The following ZNF385D variants were observed in gnomAD, a reference collection of about 807,000 sequenced individuals.
ZNF385D encodes zinc finger protein 659.
Under a neutral mutation model 35.8 loss-of-function variants are expected in ZNF385D, and 15 were observed. The observed-to-expected ratio is 0.42, with a 90% CI of 0.28 to 0.64. The LOEUF (loss-of-function observed/expected upper bound fraction) is 0.64. Ranked by LOEUF, ZNF385D falls within the 30% of genes least tolerant of loss-of-function variation. The pLI is 0.23. For missense variants in ZNF385D, 474 were observed against 494.6 expected, an observed-to-expected ratio of 0.96 and a Z score of 0.39; for synonymous variants, 212 against 186.8, an observed-to-expected ratio of 1.13 and a Z score of -1.10.
intron 3 of ZNF385D, among the ~76,000 whole-genome samples, chr3:22,108,774 A>G (rs1702357844): frequency 6.6e-6 from 1 of 152,182 alleles, no homozygotes; most frequent in South Asian, 2.1e-4. Flanking sequence ...GCACTCTGGG[A>G]GGCTGAGATG....
intron 3 of ZNF385D, among the ~76,000 whole-genome samples, chr3:22,125,492 ATTGCT>A (rs977955176): frequency 5.3e-5 from 8 of 152,118 alleles, no homozygotes; most frequent in Non-Finnish European, 1.0e-4. Flanking sequence ...GAACTTGTGG[ATTGCT>A]TTGAATAGTA....
intron 3 of ZNF385D, among the ~76,000 whole-genome samples, chr3:21,825,842 C>G (rs1694578240): frequency 6.6e-6 from 1 of 152,202 alleles, no homozygotes; most frequent in African/African-American, 2.4e-5. Flanking sequence ...CTAGGCTGTA[C>G]AGCAGGAGGT....
chr3:21,619,172 G>A (rs377766687), intron 2 of ZNF385D, among the ~76,000 whole-genome samples: 1 of 152,090 alleles, frequency 6.6e-6, no homozygotes, highest in South Asian at 2.1e-4. Flanking sequence ...CCACACTTTA[G>A]ACTGTCCTGT....
chr3:22,369,980 A>G (rs1696828068), intron 2 of ZNF385D, among the ~76,000 whole-genome samples: 1 of 152,214 alleles, frequency 6.6e-6, no homozygotes, highest in Non-Finnish European at 1.5e-5. Context: ...ACTAAGTTAG[A>G]TGTGACTCAT....
intron 2 of ZNF385D, among the ~76,000 whole-genome samples, chr3:22,357,147 C>T (rs113009832): frequency 9.9e-5 from 15 of 151,878 alleles, no homozygotes; most frequent in African/African-American, 3.1e-4. Context: ...ATGAAGCTTT[C>T]GGATGGGAAG....
chr3:22,096,266 T>C (rs757941852), intron 3 of ZNF385D, among the ~76,000 whole-genome samples: 2 of 151,964 alleles, frequency 1.3e-5, no homozygotes, highest in South Asian at 2.1e-4. Context: ...AACCTCAGCA[T>C]TGCACAATAT....
At chr3:21,932,129 T>G (rs954736311) in intron 3 of ZNF385D, among the ~76,000 whole-genome samples, 2 of 119,966 alleles carry the variant, frequency 1.7e-5, no homozygotes, top group South Asian at 5.7e-4. Context: ...ATAGCGCCCC[T>G]GCACTCCGGC....
Position 22,258,136 on chromosome 3 carries a change from A to C in ZNF385D, c.107-89101T>G, listed in dbSNP as rs913842984. Among the ~76,000 whole-genome samples the C allele has an allele frequency of 2.0e-5, 3 of 151,776 alleles. No individual in the cohort carries two copies. In the East Asian group the frequency reaches 5.8e-4, roughly 29 times the overall value. ...GTGAGGGGAGAGCCTTACTCTTTAT[A>C]AATAGAACAGATTCCACTTTTAGTC... On this transcript the variant is annotated intron_variant, in intron 2 of 5. Transcript: ENST00000494108.
chr3:21,515,400 C>T (rs1707495537), intron 3 of ZNF385D, among the ~76,000 whole-genome samples: 1 of 152,128 alleles, frequency 6.6e-6, no homozygotes, highest in Non-Finnish European at 1.5e-5. Flanking sequence ...TAACCATAAC[C>T]AATTAATTTT....
At chr3:22,069,534 T>C (rs1333922863) in intron 3 of ZNF385D, among the ~76,000 whole-genome samples, 1 of 152,154 alleles carries the variant, frequency 6.6e-6, no homozygotes, top group Non-Finnish European at 1.5e-5. Context: ...ACTTGACTCT[T>C]TGAAAAACTG....
intron 3 of ZNF385D, among the ~76,000 whole-genome samples, chr3:21,947,480 C>T (rs746364160): frequency 2.0e-5 from 3 of 151,854 alleles, no homozygotes; most frequent in Non-Finnish European, 4.4e-5. Flanking sequence ...CCTCCTGAGT[C>T]GCTGGGATTA....
At chr3:22,068,948 T>C (rs1031613989) in intron 3 of ZNF385D, among the ~76,000 whole-genome samples, 1 of 152,196 alleles carries the variant, frequency 6.6e-6, no homozygotes, top group Non-Finnish European at 1.5e-5. Flanking sequence ...CACTTCCAGA[T>C]GACATTACAT....
chr3:21,695,704 C>T (rs925199783), intron 1 of ZNF385D, among the ~76,000 whole-genome samples: 1 of 151,818 alleles, frequency 6.6e-6, no homozygotes, highest in Non-Finnish European at 1.5e-5. Flanking sequence ...TCTTATAATC[C>T]TCATAACAAT....
intron 3 of ZNF385D, among the ~76,000 whole-genome samples, chr3:21,888,946 C>T (rs895499335): frequency 6.6e-6 from 1 of 152,206 alleles, no homozygotes; most frequent in African/African-American, 2.4e-5. Flanking sequence ...CTTTACTCCT[C>T]TCCTTACACC....
At chr3:21,778,388 A>G (rs2071371467) in intron 3 of ZNF385D, among the ~76,000 whole-genome samples, 1 of 151,916 alleles carries the variant, frequency 6.6e-6, no homozygotes, top group Admixed American at 6.6e-5. Context: ...CAGAGATACA[A>G]AGAGCCTGAG....
intron 3 of ZNF385D, among the ~76,000 whole-genome samples, chr3:21,968,497 G>C (rs1184477249): frequency 1.3e-5 from 2 of 149,710 alleles, no homozygotes; most frequent in Non-Finnish European, 3.0e-5. Context: ...TCAAGTCCTA[G>C]AGCCTCATTC....
At chr3:21,773,697 A>C (rs1045133211) in intron 3 of ZNF385D, among the ~76,000 whole-genome samples, 3 of 151,978 alleles carry the variant, frequency 2.0e-5, no homozygotes, top group African/African-American at 7.2e-5. Context: ...TCATTAGAGA[A>C]ATGAAAATCA....
intron 3 of ZNF385D, among the ~76,000 whole-genome samples, chr3:22,081,342 T>C (rs1435652514): frequency 6.6e-6 from 1 of 152,190 alleles, no homozygotes; most frequent in East Asian, 1.9e-4. Context: ...ATTTAGTAGC[T>C]CCATTCTTTT....
At chr3:22,307,746 TAA>T (rs35316599) in intron 2 of ZNF385D, among the ~76,000 whole-genome samples, 4,617 of 144,570 alleles carry the variant, frequency 0.032, 91 homozygotes, top group Non-Finnish European at 0.045. Context: ...GCCTCTGTTT[TAA>T]AAAAAAAAAA....
Sources: gnomAD v4.1 joint callset for allele counts (sites outside exome capture counted in the v4.1 genomes callset) on GRCh38, gnomAD v4.1.1 for gene constraint, MANE v1.5 for transcripts, NCBI Gene and HGNC (gene_info 2026-07-23, HGNC 2026-07-21) for gene names.